The following WIPF2 variants were observed in gnomAD, a reference collection of about 807,000 sequenced individuals.
The protein encoded by WIPF2 is WAS/WASL interacting protein family member 2.
In WIPF2, 23 loss-of-function variants were observed where a neutral mutation model predicts 38.8. The observed-to-expected ratio is 0.59, with a 90% CI of 0.43 to 0.84. The LOEUF (loss-of-function observed/expected upper bound fraction) is 0.84. WIPF2 is among the 40% of genes least tolerant of loss of function. The pLI is 0.00. For synonymous variants in WIPF2, 210 were observed against 223.2 expected (o/e 0.94, Z 0.53); for missense variants, 574 against 580.5 (o/e 0.99, Z 0.11).
At chr17:40,250,914 CTTTTTTTTTTT>C (rs1020649049) in intron 1 of WIPF2, among the ~76,000 whole-genome samples, 63 of 90,346 alleles carry the variant, frequency 7.0e-4, no homozygotes, top group South Asian at 6.0e-3. Context: ...CTATTAGATT[CTTTTTTTTTTT>C]TTTTTTTTTT....
chr17:40,251,026 G>A (rs546008168), intron 1 of WIPF2, among the ~76,000 whole-genome samples: 105 of 144,726 alleles, frequency 7.3e-4, no homozygotes, highest in African/African-American at 2.5e-3. Context: ...CTATTCTCCT[G>A]CCTCAGCCTC....
chr17:40,258,049 T>C lies in WIPF2; in HGVS notation c.63+1527T>C, dbSNP rs146954968. ...AGACATTTTGTTTTAGGAGTATGTATGAACTGCCTTTTAGATGAAGTTTTG... is the reference window on the plus strand; with the variant it reads ...AGACATTTTGTTTTAGGAGTATGTACGAACTGCCTTTTAGATGAAGTTTTG... On this transcript the variant is annotated intron_variant, in intron 2 of 7. Transcript: ENST00000323571. Among the ~76,000 whole-genome samples the C allele has an allele frequency of 3.4e-3, 514 of 152,342 alleles. 5 individuals are homozygous for C. The highest frequency in any genetic ancestry group is 0.012 in the African/African-American group (489 of 41,588).
At chr17:40,220,123 G>A (rs572046898) in intron 1 of WIPF2, among the ~76,000 whole-genome samples, 22 of 151,970 alleles carry the variant, frequency 1.4e-4, no homozygotes, top group African/African-American at 5.3e-4. Flanking sequence ...GAAGTGGTGT[G>A]AAGTGAGGGA....
At chr17:40,256,336 G>T (rs1326920026) in intron 1 of WIPF2, 55 bp from the exon 2 acceptor site, 2 of 1,433,758 alleles carry the variant, frequency 1.4e-6, no homozygotes, top group African/African-American at 3.0e-5. Context: ...CATTCTCCTG[G>T]GCACTTGTAT....
At chr17:40,277,318 G>A in intron 7 of WIPF2, 134 bp downstream of exon 7, 2 of 654,270 alleles carry the variant, frequency 3.1e-6, no homozygotes, top group Non-Finnish European at 5.0e-6. Flanking sequence ...GGAGGCCAAG[G>A]TGGGTGGATC....
intron 5 of WIPF2, among the ~76,000 whole-genome samples, chr17:40,269,547 T>C (rs2032186425): frequency 6.7e-6 from 1 of 149,816 alleles, no homozygotes; most frequent in Non-Finnish European, 1.5e-5. Context: ...ACTAGCATTA[T>C]TGGTTCATAG....
intron 1 of WIPF2, among the ~76,000 whole-genome samples, chr17:40,225,466 G>GAA (rs1173519211): frequency 6.6e-6 from 1 of 152,130 alleles, no homozygotes; most frequent in Non-Finnish European, 1.5e-5. Context: ...AGAGCCTGCA[G>GAA]AAGTATGTAA....
rs2145418352 is a variant in WIPF2 at position 40,277,147 on chromosome 17, A to G, written c.1245A>G (p.Lys415=). The change falls in exon 7 of 8, where the codon AAA becomes AAG. Residue 415 remains lysine (K), a synonymous_variant. Coordinates refer to ENST00000323571, the MANE Select transcript of WIPF2 (RefSeq NM_133264.5). ...ACTTTCCTGCTCCAGAAGAATATAA[A>G]CACTTTCAGAGGATATATCCCAGCA... is the stretch of plus-strand genomic sequence containing the variant. ...VEDFPAPEEY[K]HFQRIYPSKT... is the part of the protein sequence containing the mutation. The G allele has an allele frequency of 6.2e-7, 1 of 1,613,554 alleles. No individual in the cohort carries two copies. Among genetic ancestry groups the G allele is most frequent in the East Asian group, 2.2e-5 (1 of 44,862 alleles).
intron 5 of WIPF2, among the ~76,000 whole-genome samples, chr17:40,268,730 T>C (rs1226524450): frequency 6.6e-6 from 1 of 152,206 alleles, no homozygotes; most frequent in Non-Finnish European, 1.5e-5. Flanking sequence ...TGTACCTGGC[T>C]AGAGCAGCAA....
At chr17:40,274,219 A>C (rs2032324085) in intron 6 of WIPF2, among the ~76,000 whole-genome samples, 1 of 152,152 alleles carries the variant, frequency 6.6e-6, no homozygotes, top group Non-Finnish European at 1.5e-5. Context: ...GAGTAGATTG[A>C]AGTAAAATCA....
At chr17:40,246,744 C>T (rs1282656323) in intron 1 of WIPF2, among the ~76,000 whole-genome samples, 1 of 152,108 alleles carries the variant, frequency 6.6e-6, no homozygotes, top group Non-Finnish European at 1.5e-5. Flanking sequence ...CAGCAAGTGA[C>T]TGCTGAGCAG....
chr17:40,272,607 G>A (rs1450180825), intron 5 of WIPF2, among the ~76,000 whole-genome samples: 1 of 152,186 alleles, frequency 6.6e-6, no homozygotes, highest in Non-Finnish European at 1.5e-5. Flanking sequence ...AAAATGGATT[G>A]CTTTGGGAAA....
chr17:40,255,188 C>G (rs1001080545), intron 1 of WIPF2, among the ~76,000 whole-genome samples: 1 of 152,102 alleles, frequency 6.6e-6, no homozygotes, highest in Non-Finnish European at 1.5e-5. Flanking sequence ...AAAGCAAAAA[C>G]AACCCAATTA....
intron 1 of WIPF2, among the ~76,000 whole-genome samples, chr17:40,230,173 T>G (rs1014836263): frequency 1.3e-5 from 2 of 152,066 alleles, no homozygotes; most frequent in African/African-American, 4.8e-5. Flanking sequence ...CCCCCCAGTC[T>G]CTATATAATT....
chr17:40,245,886 C>T (rs1301312160), intron 1 of WIPF2, among the ~76,000 whole-genome samples: 1 of 152,176 alleles, frequency 6.6e-6, no homozygotes, highest in Non-Finnish European at 1.5e-5. Context: ...GTTGTGGATA[C>T]TTAATTGGAT....
chr17:40,261,380 C>T (rs2031895489), intron 3 of WIPF2, among the ~76,000 whole-genome samples: 1 of 151,780 alleles, frequency 6.6e-6, no homozygotes, highest in South Asian at 2.1e-4. Flanking sequence ...TTACTGCAAC[C>T]TCCGCCTCCC....
chr17:40,273,314 C>T (rs963926609), intron 5 of WIPF2, among the ~76,000 whole-genome samples: 1 of 152,188 alleles, frequency 6.6e-6, no homozygotes, highest in South Asian at 2.1e-4. Flanking sequence ...GGATTATAGA[C>T]GTGAGCCATC....
rs753030633 is a variant in WIPF2 at position 40,260,653 on chromosome 17, C to G, written c.182C>G (p.Ala61Gly). Reference protein sequence around the residue: ...KKVTNINDRSAPILEKPKGSS... With the variant: ...KKVTNINDRSGPILEKPKGSS... Reference sequence around the variant, plus strand: ...GTGACCAACATTAATGATCGGAGTGCTCCCATCCTCGAGAGTGAGTCCGAG... The same window carrying G: ...GTGACCAACATTAATGATCGGAGTGGTCCCATCCTCGAGAGTGAGTCCGAG... Residue 61 changes from alanine to glycine, a missense_variant, in exon 3 of 8, where the codon GCT becomes GGT. Coordinates refer to ENST00000323571, the MANE Select transcript of WIPF2 (RefSeq NM_133264.5). 4.3e-5 allele frequency: 69 copies of G among 1,613,662 alleles called. No individual in the cohort carries two copies. The highest frequency in any genetic ancestry group is 5.6e-5 in the Non-Finnish European group (66 of 1,179,950).
chr17:40,269,413 G>T (rs1298290036), intron 5 of WIPF2, among the ~76,000 whole-genome samples: 1 of 151,080 alleles, frequency 6.6e-6, no homozygotes, highest in Non-Finnish European at 1.5e-5. Context: ...TGGGAGGCTA[G>T]GATGGGAGGA....
Sources: allele counts gnomAD v4.1 joint callset (sites outside exome capture counted in the v4.1 genomes callset), GRCh38; gene constraint gnomAD v4.1.1; transcripts MANE v1.5; gene names NCBI Gene and HGNC (gene_info 2026-07-23, HGNC 2026-07-21).